NOL4: variants seen among roughly 807,000 people sequenced by gnomAD.
NOL4 encodes the protein nucleolar protein 4, also known as cancer/testis antigen 125.
A neutral mutation model predicts 75.9 loss-of-function variants in NOL4; 17 were observed. The ratio of observed to expected loss-of-function variants is 0.22; its 90% confidence interval spans 0.15 to 0.34. The LOEUF (loss-of-function observed/expected upper bound fraction) is 0.34, where lower values mean the gene tolerates loss of function less well. Among genes scored for constraint, NOL4 ranks in the 10% least tolerant of loss-of-function variants. The pLI is 1.00. For missense variants in NOL4, 614 were observed against 793.5 expected (o/e 0.77, Z 2.72); for synonymous variants, 292 against 289.9 (o/e 1.01, Z -0.07).
chr18:34,070,131 A>C (rs2077449971), intron 5 of NOL4, among the ~76,000 whole-genome samples: 1 of 152,220 alleles, frequency 6.6e-6, no homozygotes, highest in South Asian at 2.1e-4. Flanking sequence ...TTCCGGGTTC[A>C]CGCCATTCTC....
chr18:33,862,623 A>C (rs1392025298), intron 10 of NOL4, among the ~76,000 whole-genome samples: 1 of 152,178 alleles, frequency 6.6e-6, no homozygotes, highest in Non-Finnish European at 1.5e-5. Flanking sequence ...CACGAACAGA[A>C]ACTTCTCAAA....
At chr18:33,945,835 T>C (rs549400399) in intron 8 of NOL4, among the ~76,000 whole-genome samples, 4 of 151,782 alleles carry the variant, frequency 2.6e-5, no homozygotes, top group African/African-American at 7.2e-5. Context: ...TCAATGGCCA[T>C]AGAAGTCATC....
chr18:33,893,631 A>T (rs767450360), intron 9 of NOL4, among the ~76,000 whole-genome samples: 8 of 152,138 alleles, frequency 5.3e-5, no homozygotes, highest in Non-Finnish European at 1.0e-4. Context: ...CATCGAATGA[A>T]TGTTTTTATG....
chr18:33,881,242 T>C (rs1241219449), intron 10 of NOL4, among the ~76,000 whole-genome samples: 2 of 150,574 alleles, frequency 1.3e-5, no homozygotes, highest in African/African-American at 2.5e-5. Flanking sequence ...CTGAAGTTGC[T>C]TATCAGCTTA....
intron 2 of NOL4, among the ~76,000 whole-genome samples, chr18:34,128,622 T>C (rs2080490465): frequency 1.3e-5 from 2 of 151,870 alleles, no homozygotes; most frequent in Non-Finnish European, 1.5e-5. Flanking sequence ...AGAAAGTTTA[T>C]GTGGCAGATT....
At chr18:34,203,685 CCTCTCTCTCT>C (rs1226376797) in intron 1 of NOL4, among the ~76,000 whole-genome samples, 2 of 100,686 alleles carry the variant, frequency 2.0e-5, no homozygotes, top group African/African-American at 7.7e-5. Flanking sequence ...TCTCTCTCTC[CCTCTCTCTCT>C]CTCTCTCTCT....
chr18:34,175,354 G>A (rs989405982), intron 1 of NOL4, among the ~76,000 whole-genome samples: 1 of 152,108 alleles, frequency 6.6e-6, no homozygotes. Context: ...ACAGGAAAAT[G>A]TTTTATCTTT....
intron 5 of NOL4, among the ~76,000 whole-genome samples, chr18:34,036,151 C>T (rs937048350): frequency 6.6e-6 from 1 of 152,048 alleles, no homozygotes; most frequent in Non-Finnish European, 1.5e-5. Flanking sequence ...GATACCAAAA[C>T]CAGACAAGGA....
intron 2 of NOL4, among the ~76,000 whole-genome samples, chr18:34,120,454 T>TA (rs549607617): frequency 8.0e-4 from 122 of 152,266 alleles, no homozygotes; most frequent in African/African-American, 2.4e-3. Context: ...TGACATCTAA[T>TA]AAAAAAACAC....
chr18:34,028,953 T>A (rs1318603841), intron 5 of NOL4, among the ~76,000 whole-genome samples: 2 of 152,198 alleles, frequency 1.3e-5, no homozygotes, highest in African/African-American at 4.8e-5. Context: ...TATGTCTATA[T>A]CCCTTTTTCC....
At chr18:34,123,592 G>T (rs945205670) in intron 2 of NOL4, among the ~76,000 whole-genome samples, 2 of 141,882 alleles carry the variant, frequency 1.4e-5, no homozygotes, top group Non-Finnish European at 3.1e-5. Context: ...AATATATATA[G>T]AGAGATAGAT....
chr18:34,040,960 G>A (rs1048775745), intron 5 of NOL4, among the ~76,000 whole-genome samples: 5 of 151,826 alleles, frequency 3.3e-5, no homozygotes, highest in African/African-American at 9.7e-5. Flanking sequence ...AGTTGGCAAG[G>A]AACACTCCAG....
At chr18:34,010,799 G>A (rs2074327577) in intron 6 of NOL4, among the ~76,000 whole-genome samples, 1 of 151,792 alleles carries the variant, frequency 6.6e-6, no homozygotes, top group Admixed American at 6.6e-5. Flanking sequence ...TTTCTTTGAT[G>A]ATCAATGAGG....
At chr18:33,872,642 T>C (rs1440895645) in intron 10 of NOL4, among the ~76,000 whole-genome samples, 2 of 151,974 alleles carry the variant, frequency 1.3e-5, no homozygotes, top group African/African-American at 4.8e-5. Context: ...TCTGTGATGA[T>C]GGGAATGTTT....
chr18:33,900,437 GCT>G (rs1006351641), intron 9 of NOL4, among the ~76,000 whole-genome samples: 11 of 152,164 alleles, frequency 7.2e-5, no homozygotes, highest in Admixed American at 6.5e-4. Context: ...ACTTTCTATT[GCT>G]CTCTTTCCTT....
chr18:34,175,897 A>G (rs1370244920), intron 1 of NOL4, among the ~76,000 whole-genome samples: 1 of 152,124 alleles, frequency 6.6e-6, no homozygotes, highest in Non-Finnish European at 1.5e-5. Context: ...ATCCCATATA[A>G]TATTATTTAA....
At chr18:34,039,146 G>A (rs1394875658) in intron 5 of NOL4, among the ~76,000 whole-genome samples, 1 of 151,792 alleles carries the variant, frequency 6.6e-6, no homozygotes, top group East Asian at 1.9e-4. Flanking sequence ...GAACAATTTT[G>A]GATATTCTTT....
In NOL4 at chr18:33,997,134, T is replaced by C. The variant is rs973467311; in HGVS notation, c.1056+22184A>G. On this transcript the variant is annotated intron_variant, in intron 6 of 10. Transcript: ENST00000261592. ...TTGTCAATTTTTGTTGCATTTATTT[T>C]TGAGTACTTACTAATTAATTTTTTG... Among the ~76,000 whole-genome samples, 4 of 152,122 alleles carry C rather than the reference T, an allele frequency of 2.6e-5. No homozygotes were observed. In the East Asian group the frequency reaches 7.7e-4, roughly 29 times the overall value.
At chr18:33,895,848 AAG>A (rs1375566832) in intron 9 of NOL4, among the ~76,000 whole-genome samples, 1 of 152,246 alleles carries the variant, frequency 6.6e-6, no homozygotes, top group Admixed American at 6.6e-5. Context: ...TCCGATTATG[AAG>A]AGAGATTCAA....
Sources: allele counts gnomAD v4.1 joint callset (sites outside exome capture counted in the v4.1 genomes callset), GRCh38; gene constraint gnomAD v4.1.1; transcripts MANE v1.5; gene names NCBI Gene and HGNC (gene_info 2026-07-23, HGNC 2026-07-21).